NR1D2: variants seen among roughly 807,000 people sequenced by gnomAD.
NR1D2 encodes V-erbA-related protein 1-related.
In NR1D2, 25 loss-of-function variants were observed where a neutral mutation model predicts 52.2. That is an observed-to-expected ratio of 0.48 (90% CI 0.35 to 0.67). NR1D2 has a LOEUF of 0.67. NR1D2 is among the 30% of genes least tolerant of loss of function. The pLI is 0.01. For synonymous variants in NR1D2, 259 were observed against 230.1 expected, an observed-to-expected ratio of 1.13 and a Z score of -1.14; for missense variants, 681 against 707.2, an observed-to-expected ratio of 0.96 and a Z score of 0.42.
intron 1 of NR1D2, chr3:23,946,052 G>A (rs1047443924): frequency 2.1e-6 from 2 of 969,800 alleles, no homozygotes; most frequent in African/African-American, 3.5e-5. Flanking sequence ...CGCGCTGGCT[G>A]GGAGCGCCGC....
intron 3 of NR1D2, among the ~76,000 whole-genome samples, chr3:23,957,332 T>A (rs1266700083): frequency 6.6e-6 from 1 of 151,596 alleles, no homozygotes; most frequent in Non-Finnish European, 1.5e-5. Context: ...AAGTCAGTAT[T>A]TTTTATAGAT....
intron 5 of NR1D2, 137 bp downstream of exon 5, chr3:23,962,742 T>A (rs1013814485): frequency 1.3e-5 from 10 of 774,942 alleles, no homozygotes; most frequent in Non-Finnish European, 2.0e-5. Flanking sequence ...TTGTACAGTA[T>A]TTTAGGTCAA....
intron 4 of NR1D2, among the ~76,000 whole-genome samples, chr3:23,961,047 T>TTA (rs1362073879): frequency 6.6e-6 from 1 of 152,198 alleles, no homozygotes. Flanking sequence ...CTGGTTTTAA[T>TTA]TAAAATCTAC....
At chr3:23,945,728 C>A (rs940844161) in intron 1 of NR1D2, 134 bp downstream of exon 1, 1 of 597,246 alleles carries the variant, frequency 1.7e-6, no homozygotes, top group Non-Finnish European at 2.3e-6. Flanking sequence ...GCCGCGTGTC[C>A]GCCTCTGGCT....
intron 3 of NR1D2, among the ~76,000 whole-genome samples, chr3:23,958,775 C>A (rs1041609124): frequency 6.6e-6 from 1 of 151,674 alleles, no homozygotes; most frequent in African/African-American, 2.4e-5. Context: ...TGGTGAAACC[C>A]TGTCTCTACT....
intron 3 of NR1D2, among the ~76,000 whole-genome samples, chr3:23,956,540 T>C (rs181885971): frequency 4.4e-4 from 67 of 152,296 alleles, no homozygotes; most frequent in African/African-American, 1.5e-3. Flanking sequence ...ATACTTTGAC[T>C]TAATGACACG....
At chr3:23,965,459 C>T (rs932703880) in intron 6 of NR1D2, among the ~76,000 whole-genome samples, 2 of 150,200 alleles carry the variant, frequency 1.3e-5, no homozygotes, top group Non-Finnish European at 3.0e-5. Flanking sequence ...GTGGCCCAGG[C>T]TGGTCTCAAA....
chr3:23,972,974 ATC>A (rs1420080826), intron 7 of NR1D2, among the ~76,000 whole-genome samples: 5 of 152,224 alleles, frequency 3.3e-5, no homozygotes, highest in Non-Finnish European at 7.3e-5. Context: ...AGCATAGGTC[ATC>A]TAAACACAAA....
rs374817757 is a variant in NR1D2, at chr3:23,965,198, G to C, written c.1332+36G>C. 350 of 1,349,492 alleles carry C rather than the reference G, an allele frequency of 2.6e-4. 1 individual carries two copies. The African/African-American group carries it at 4.6e-3, about 18-fold the overall frequency. The allele number at this position is 1,349,492 out of a possible 1,614,324, so 83.6% of individuals were successfully genotyped here. A position where few individuals can be genotyped will look rare whatever the true frequency, so the allele number is the denominator to read the frequency against. ...TTTATCCTGAATATTGATGCAGGCA[G>C]GGCATGTAGTATTTTATTTTCATGG... is the stretch of plus-strand genomic sequence containing the variant. On this transcript the variant is annotated intron_variant, in intron 6 of 7. Coordinates refer to ENST00000312521, the MANE Select transcript of NR1D2 (RefSeq NM_005126.5).
At chr3:23,969,913 C>T (rs753231684) in intron 7 of NR1D2, among the ~76,000 whole-genome samples, 1 of 151,908 alleles carries the variant, frequency 6.6e-6, no homozygotes, top group African/African-American at 2.4e-5. Flanking sequence ...TGAGAGAGTA[C>T]GAGATAGGGC....
At position 23,974,153 on chromosome 3, in the gene NR1D2, CCCA is replaced by C. The variant is rs566828210; in HGVS notation, c.1544-3069_1544-3067del. The stretch of plus-strand genomic sequence containing the variant: ...GGGCGAGGTGGCTCATGCCTGTAAT[CCCA>C]GCACTTGGTGAGGCCCAGGCTGGTG... On this transcript the variant is annotated intron_variant, in intron 7 of 7. Transcript: ENST00000312521. 2.9e-3 allele frequency among the ~76,000 whole-genome samples: 366 copies of C among 124,972 alleles called. 2 individuals carry two copies. The highest frequency in any genetic ancestry group is 0.011 in the African/African-American group (355 of 32,370). The allele number at this position is 124,972 out of a possible 152,430, so 82.0% of individuals were successfully genotyped here. A position where few individuals can be genotyped will look rare whatever the true frequency, so the allele number is the denominator to read the frequency against.
chr3:23,966,725 C>T (rs1706459047), intron 6 of NR1D2, among the ~76,000 whole-genome samples: 1 of 152,146 alleles, frequency 6.6e-6, no homozygotes, highest in African/African-American at 2.4e-5. Context: ...GGTAGAGAAT[C>T]TGTCTTAAGA....
In NR1D2 at chr3:23,979,493, G is replaced by A. The variant is rs568229830; in HGVS notation, c.*2074G>A. ...TATCTTTAAAACAATTAAGTCTTTA[G>A]GAATGTGTAACCAGAACTATGTTAG... On this transcript the variant is annotated 3_prime_UTR_variant, in exon 8 of 8. Coordinates refer to ENST00000312521, the MANE Select transcript of NR1D2 (RefSeq NM_005126.5). 1.3e-5 allele frequency: 2 copies of A among 152,048 alleles called. No homozygotes were observed. The highest frequency in any genetic ancestry group is 2.4e-5 in the African/African-American group (1 of 41,508). The allele number at this position is 152,048 out of a possible 1,614,324, so 9.4% of individuals were successfully genotyped here. A position where few individuals can be genotyped will look rare whatever the true frequency, so the allele number is the denominator to read the frequency against.
At chr3:23,972,064 GTTTGC>G (rs1198136364) in intron 7 of NR1D2, among the ~76,000 whole-genome samples, 1 of 152,170 alleles carries the variant, frequency 6.6e-6, no homozygotes, top group Non-Finnish European at 1.5e-5. Context: ...AAGTAACATA[GTTTGC>G]TTTATCTTTA....
Position 23,961,874 on chromosome 3 carries a change from T to A in NR1D2, c.518-103T>A. On this transcript the variant is annotated intron_variant, in intron 4 of 7. Transcript: ENST00000312521. ...GAGACATGTAGACTCATTCTTTATA[T>A]GTATGACTAGAGGCCATAACTGTTG... is the stretch of plus-strand genomic sequence containing the variant. The A allele has an allele frequency of 2.8e-6, 3 of 1,052,728 alleles. No individual in the cohort carries two copies. The Admixed American group carries it at 8.4e-5, about 29-fold the overall frequency. The allele number at this position is 1,052,728 out of a possible 1,614,324, so 65.2% of individuals were successfully genotyped here.
chr3:23,945,592 C>G lies in NR1D2; in HGVS notation c.14C>G (p.Ala5Gly). 1 of 1,174,180 alleles carries G rather than the reference C, an allele frequency of 8.5e-7. No individual in the cohort carries two copies. Among genetic ancestry groups the G allele is most frequent in the Admixed American group, 4.6e-5 (1 of 21,534 alleles). The allele number at this position is 1,174,180 out of a possible 1,614,324, so 72.7% of individuals were successfully genotyped here. A position where few individuals can be genotyped will look rare whatever the true frequency, so the allele number is the denominator to read the frequency against. The change falls in exon 1 of 8, where the codon GCA (alanine) becomes GGA (glycine). Residue 5 changes from alanine to glycine, a missense_variant and splice_region_variant. Coordinates refer to ENST00000312521, the MANE Select transcript of NR1D2 (RefSeq NM_005126.5). ...CGCGAGGGCACCATGGAGGTGAATG[C>G]AGGTAAGAACCGGACTGCGGCGGGT... MEVN[A>G]GGVIAYISSS...
At chr3:23,964,437 T>A (rs1321089686) in intron 5 of NR1D2, among the ~76,000 whole-genome samples, 2 of 152,176 alleles carry the variant, frequency 1.3e-5, no homozygotes, top group African/African-American at 4.8e-5. Flanking sequence ...TCTTGGAAAT[T>A]ACAACATTGT....
chr3:23,965,221 T>C (rs1706407088), intron 6 of NR1D2, 59 bp downstream of exon 6: 3 of 1,040,100 alleles, frequency 2.9e-6, no homozygotes, highest in Non-Finnish European at 4.1e-6. Flanking sequence ...TTTATTTTCA[T>C]GGATGTTTTA....
chr3:23,956,976 C>T (rs1476687227), intron 3 of NR1D2, among the ~76,000 whole-genome samples: 3 of 151,170 alleles, frequency 2.0e-5, no homozygotes, highest in African/African-American at 7.3e-5. Flanking sequence ...GAATGAATTG[C>T]GAGTTTGCCA....
Sources: allele counts gnomAD v4.1 joint callset (sites outside exome capture counted in the v4.1 genomes callset), GRCh38; gene constraint gnomAD v4.1.1; transcripts MANE v1.5; gene names NCBI Gene and HGNC (gene_info 2026-07-23, HGNC 2026-07-21).